PTPRT: variants seen among roughly 807,000 people sequenced by gnomAD.
PTPRT encodes protein tyrosine phosphatase receptor type T, also known as receptor-type tyrosine-protein phosphatase T.
In PTPRT, 56 loss-of-function variants were observed where a neutral mutation model predicts 176.8. The ratio of observed to expected loss-of-function variants is 0.32; its 90% CI spans 0.26 to 0.40. PTPRT has a LOEUF of 0.40. PTPRT is among the 10% of genes least tolerant of loss of function. PTPRT has a pLI of 1.00. For missense variants in PTPRT, 1,540 were observed against 1,908.2 expected, an observed-to-expected ratio of 0.81 and a Z score of 3.60; for synonymous variants, 783 against 739.0, an observed-to-expected ratio of 1.06 and a Z score of -0.96.
intron 6 of PTPRT, among the ~76,000 whole-genome samples, chr20:42,741,088 G>A (rs970657026): frequency 1.3e-5 from 2 of 152,140 alleles, no homozygotes; most frequent in Non-Finnish European, 2.9e-5. Context: ...AGGAGTGAGA[G>A]GGAATTGAGG....
chr20:43,170,310 T>C (rs2014965644), intron 1 of PTPRT, among the ~76,000 whole-genome samples: 1 of 152,204 alleles, frequency 6.6e-6, no homozygotes, highest in Non-Finnish European at 1.5e-5. Context: ...TAGGCACTAT[T>C]ATTCCCATTT....
At chr20:42,716,598 G>C (rs965797659) in intron 6 of PTPRT, among the ~76,000 whole-genome samples, 1 of 150,060 alleles carries the variant, frequency 6.7e-6, no homozygotes, top group Admixed American at 6.6e-5. Flanking sequence ...TGATGGGGTT[G>C]TTTGTTTTTT....
At chr20:42,973,207 C>T (rs1396542582) in intron 1 of PTPRT, among the ~76,000 whole-genome samples, 1 of 151,904 alleles carries the variant, frequency 6.6e-6, no homozygotes, top group Non-Finnish European at 1.5e-5. Flanking sequence ...GTGGATACCA[C>T]CTAGATTTGT....
intron 12 of PTPRT, among the ~76,000 whole-genome samples, chr20:42,295,072 C>T (rs2057369218): frequency 6.6e-6 from 1 of 151,862 alleles, no homozygotes; most frequent in Non-Finnish European, 1.5e-5. Context: ...GACAATAACC[C>T]AAGAAAAATT....
intron 1 of PTPRT, among the ~76,000 whole-genome samples, chr20:43,117,218 C>T (rs367939416): frequency 2.6e-5 from 4 of 152,264 alleles, no homozygotes; most frequent in African/African-American, 7.2e-5. Flanking sequence ...TAAAAACATG[C>T]TGCATCTCTA....
intron 13 of PTPRT, among the ~76,000 whole-genome samples, chr20:42,250,095 C>A (rs1051799149): frequency 6.6e-6 from 1 of 152,206 alleles, no homozygotes; most frequent in African/African-American, 2.4e-5. Flanking sequence ...ATTCTATTAA[C>A]ACTTTATAAC....
chr20:42,963,043 C>CA (rs1600599445), intron 1 of PTPRT, among the ~76,000 whole-genome samples: 2 of 151,730 alleles, frequency 1.3e-5, no homozygotes, highest in African/African-American at 4.8e-5. Flanking sequence ...TTAAAAAATA[C>CA]AAAAAAATTA....
chr20:42,761,348 C>T (rs1028275711), intron 5 of PTPRT, among the ~76,000 whole-genome samples: 4 of 151,868 alleles, frequency 2.6e-5, no homozygotes, highest in Non-Finnish European at 5.9e-5. Flanking sequence ...GAAGGAGAAT[C>T]GCTTCAACCC....
chr20:43,180,709 C>T (rs2015235738), intron 1 of PTPRT, among the ~76,000 whole-genome samples: 1 of 152,132 alleles, frequency 6.6e-6, no homozygotes. Context: ...GTGATCCGCC[C>T]ACCTCGGCTT....
rs189290802 is a variant in PTPRT at position 42,078,578 on chromosome 20, C to T, written c.*2301G>A. On this transcript the variant is annotated 3_prime_UTR_variant, in exon 31 of 31. Transcript: ENST00000373187. ...GGCCCAGAAGGAGTCTTGGCCAACA[C>T]GAAGCTGAGTGCATCTCTCTAAAGC... 2.7e-5 allele frequency: 5 copies of T among 188,542 alleles called. No individual in the cohort carries two copies. The East Asian group carries it at 3.4e-4, about 13-fold the overall frequency. 11.7% of individuals were successfully genotyped at this position (188,542 alleles called of 1,614,324 possible).
intron 7 of PTPRT, among the ~76,000 whole-genome samples, chr20:42,603,506 A>G (rs58098862): frequency 0.12 from 18,850 of 151,954 alleles, 1,256 homozygotes; most frequent in South Asian, 0.15. Flanking sequence ...ATAGAAGGAG[A>G]TGAGCTTTGA....
At chr20:42,402,297 G>A (rs1422892303) in intron 9 of PTPRT, among the ~76,000 whole-genome samples, 1 of 151,964 alleles carries the variant, frequency 6.6e-6, no homozygotes. Flanking sequence ...TAAGCCAGGT[G>A]GAGTGGGTTT....
rs1785783301 is a variant in PTPRT, at chr20:42,074,867, C to G, written c.*6012G>C. On this transcript the variant is annotated 3_prime_UTR_variant, in exon 31 of 31. Transcript: ENST00000373187. ...TAGTCAGTGCCATGCAAAAGCCCAT[C>G]CCTGGTTACTAAAAAACTAGAAGAG... is the stretch of plus-strand genomic sequence containing the variant. 1 of 398,504 alleles carries G rather than the reference C, an allele frequency of 2.5e-6. No homozygotes were observed. The highest frequency in any genetic ancestry group is 2.1e-5 in the African/African-American group (1 of 48,622). The allele number at this position is 398,504 out of a possible 1,614,324, so 24.7% of individuals were successfully genotyped here.
At chr20:42,299,806 C>T (rs1177320893) in intron 12 of PTPRT, among the ~76,000 whole-genome samples, 1 of 151,716 alleles carries the variant, frequency 6.6e-6, no homozygotes, top group Non-Finnish European at 1.5e-5. Context: ...CACCACCACG[C>T]CCAGCTAATT....
intron 8 of PTPRT, among the ~76,000 whole-genome samples, chr20:42,459,701 C>CT (rs1365668282): frequency 2.6e-5 from 4 of 152,146 alleles, no homozygotes; most frequent in Admixed American, 6.5e-5. Context: ...TTCTCTTTTT[C>CT]TTTTTTTGAG....
chr20:42,302,471 C>T (rs1217186363), intron 12 of PTPRT, among the ~76,000 whole-genome samples: 2 of 152,168 alleles, frequency 1.3e-5, no homozygotes, highest in Non-Finnish European at 2.9e-5. Context: ...CCACTGTCTA[C>T]CTGGAAAATA....
intron 11 of PTPRT, among the ~76,000 whole-genome samples, chr20:42,328,071 A>C (rs1449238818): frequency 6.6e-6 from 1 of 152,140 alleles, no homozygotes; most frequent in African/African-American, 2.4e-5. Context: ...CAACTGGGGA[A>C]AATAGGAACT....
At position 42,917,998 on chromosome 20, in the gene PTPRT, G is replaced by T. The variant is rs189165618; in HGVS notation, c.89-32066C>A. 1.6e-4 allele frequency among the ~76,000 whole-genome samples: 24 copies of T among 152,264 alleles called. No homozygotes were observed. In the East Asian group the frequency reaches 2.1e-3, roughly 14 times the overall value. On this transcript the variant is annotated intron_variant, in intron 1 of 30. Transcript: ENST00000373187. ...ACTAGCGGTCGCGTGTCCCAGAGGT[G>T]CATCTCTCTGATCCTGCAACACTTT... is the stretch of plus-strand genomic sequence containing the variant.
chr20:42,377,137 G>A (rs1465519173), intron 9 of PTPRT, among the ~76,000 whole-genome samples: 2 of 152,108 alleles, frequency 1.3e-5, no homozygotes, highest in Non-Finnish European at 2.9e-5. Context: ...TCAGCAAAGC[G>A]ATGCATTTCA....
Sources: allele counts gnomAD v4.1 joint callset (sites outside exome capture counted in the v4.1 genomes callset), GRCh38; gene constraint gnomAD v4.1.1; transcripts MANE v1.5; gene names NCBI Gene and HGNC (gene_info 2026-07-23, HGNC 2026-07-21).